MET: variants seen among roughly 807,000 people sequenced by gnomAD.
MET encodes MET proto-oncogene, receptor tyrosine kinase, also known as hepatocyte growth factor receptor.
MET carries 48 observed loss-of-function variants against 133.1 expected under a neutral mutation model. The observed-to-expected ratio is 0.36, with a 90% CI of 0.29 to 0.46. The LOEUF is 0.46. Among genes scored for constraint, MET ranks in the 20% least tolerant of loss-of-function variants. The pLI is 1.00. For missense variants in MET, 1,442 were observed against 1,695.9 expected, an observed-to-expected ratio of 0.85 and a Z score of 2.63; for synonymous variants, 628 against 616.5, an observed-to-expected ratio of 1.02 and a Z score of -0.28.
intron 2 of MET, chr7:116,724,945 C>T: frequency 1.0e-6 from 1 of 1,004,016 alleles, no homozygotes; most frequent in East Asian, 6.1e-5. Context: ...GTGTCTAACA[C>T]ATTGTAAACA....
At chr7:116,724,990 A>G (rs927534086) in intron 2 of MET, 17 of 640,482 alleles carry the variant, frequency 2.7e-5, no homozygotes, top group African/African-American at 2.3e-4. Context: ...CAACTCATCA[A>G]TGCCTCCCTG....
chr7:116,676,713 G>A (rs1796172047), intron 1 of MET, among the ~76,000 whole-genome samples: 1 of 152,164 alleles, frequency 6.6e-6, no homozygotes, highest in African/African-American at 2.4e-5. Flanking sequence ...ATCTGAAGGA[G>A]ATAAGGAAGT....
chr7:116,785,420 A>G (rs1020774340), intron 19 of MET, among the ~76,000 whole-genome samples: 7 of 152,048 alleles, frequency 4.6e-5, no homozygotes, highest in African/African-American at 1.7e-4. Flanking sequence ...GGGGAGGGGG[A>G]GCATCTTATA....
intron 11 of MET, among the ~76,000 whole-genome samples, chr7:116,768,242 T>A (rs1794704526): frequency 6.6e-6 from 1 of 152,156 alleles, no homozygotes; most frequent in Admixed American, 6.6e-5. Context: ...CCAACCTTAG[T>A]TATTATCTAA....
chr7:116,696,725 A>C (rs904015346), intron 1 of MET, among the ~76,000 whole-genome samples: 1 of 152,148 alleles, frequency 6.6e-6, no homozygotes, highest in Admixed American at 6.5e-5. Context: ...TTTAACCATC[A>C]CCTCTGTGCA....
intron 3 of MET, among the ~76,000 whole-genome samples, chr7:116,733,581 T>A (rs1397081075): frequency 6.6e-6 from 1 of 152,230 alleles, no homozygotes; most frequent in Non-Finnish European, 1.5e-5. Flanking sequence ...TCAGTCTCAT[T>A]ATAGAAACGC....
intron 2 of MET, among the ~76,000 whole-genome samples, chr7:116,719,615 G>A (rs1003715756): frequency 6.6e-6 from 1 of 152,126 alleles, no homozygotes; most frequent in African/African-American, 2.4e-5. Context: ...GGGTTTTTAT[G>A]GTTTTAGGTC....
intron 19 of MET, among the ~76,000 whole-genome samples, chr7:116,785,387 A>G (rs922834704): frequency 1.3e-5 from 2 of 152,174 alleles, no homozygotes; most frequent in African/African-American, 4.8e-5. Context: ...GGCATCTTGC[A>G]TGGCAGGAGC....
At chr7:116,694,821 G>C (rs1796904268) in intron 1 of MET, among the ~76,000 whole-genome samples, 1 of 152,000 alleles carries the variant, frequency 6.6e-6, no homozygotes, top group Non-Finnish European at 1.5e-5. Flanking sequence ...CAAGTAGCTG[G>C]GATTACAGGC....
chr7:116,695,367 CA>C (rs1258140541), intron 1 of MET, among the ~76,000 whole-genome samples: 5 of 152,290 alleles, frequency 3.3e-5, no homozygotes, highest in Non-Finnish European at 7.3e-5. Context: ...TAGTACATTG[CA>C]AAACAATGAG....
chr7:116,789,826 G>A (rs1795429105), intron 19 of MET, among the ~76,000 whole-genome samples: 1 of 152,140 alleles, frequency 6.6e-6, no homozygotes, highest in South Asian at 2.1e-4. Flanking sequence ...TTTATTTTAA[G>A]TTCCAGGGTA....
At chr7:116,734,120 A>G (rs560309592) in intron 3 of MET, among the ~76,000 whole-genome samples, 47 of 152,308 alleles carry the variant, frequency 3.1e-4, no homozygotes, top group African/African-American at 1.1e-3. Flanking sequence ...AGTTCTGTAA[A>G]TGTTTTGACT....
intron 5 of MET, among the ~76,000 whole-genome samples, chr7:116,755,042 A>AAGAAAGAAAGAAAGAAAGAG (rs1794125070): frequency 2.6e-5 from 1 of 39,186 alleles, no homozygotes; most frequent in Non-Finnish European, 6.0e-5. Flanking sequence ...GAAAGAAAGA[A>AAGAAAGAAAGAAAGAAAGAG]AAGAAAGAAA....
intron 19 of MET, among the ~76,000 whole-genome samples, chr7:116,791,794 A>G (rs1033874166): frequency 6.6e-6 from 1 of 152,102 alleles, no homozygotes; most frequent in Non-Finnish European, 1.5e-5. Context: ...CCTCGCCAGT[A>G]GCTGGGATTG....
intron 1 of MET, among the ~76,000 whole-genome samples, chr7:116,693,505 G>T (rs748923998): frequency 1.2e-4 from 19 of 152,108 alleles, no homozygotes; most frequent in Non-Finnish European, 4.4e-5. Flanking sequence ...ACTTGCCTGG[G>T]TCATACAAAT....
intron 2 of MET, among the ~76,000 whole-genome samples, chr7:116,703,383 C>T (rs549779706): frequency 2.2e-4 from 33 of 152,134 alleles, no homozygotes; most frequent in African/African-American, 7.7e-4. Context: ...TCCTCCTTTA[C>T]CCATTCATCA....
At chr7:116,708,652 T>C (rs1791884827) in intron 2 of MET, among the ~76,000 whole-genome samples, 1 of 152,166 alleles carries the variant, frequency 6.6e-6, no homozygotes, top group African/African-American at 2.4e-5. Context: ...GCTAAGAACA[T>C]ACTTTAGATC....
At chr7:116,709,901 A>C (rs890289845) in intron 2 of MET, among the ~76,000 whole-genome samples, 6 of 152,198 alleles carry the variant, frequency 3.9e-5, no homozygotes, top group African/African-American at 1.4e-4. Context: ...AAATTAGGTG[A>C]TCCTGGGGCT....
intron 11 of MET, among the ~76,000 whole-genome samples, chr7:116,766,305 T>A (rs1244244280): frequency 6.6e-6 from 1 of 152,182 alleles, no homozygotes; most frequent in Non-Finnish European, 1.5e-5. Flanking sequence ...ATGTTCAATC[T>A]GGAGAAGTCA....
Sources: gnomAD v4.1 joint callset for allele counts (sites outside exome capture counted in the v4.1 genomes callset) on GRCh38, gnomAD v4.1.1 for gene constraint, MANE v1.5 for transcripts, NCBI Gene and HGNC (gene_info 2026-07-23, HGNC 2026-07-21) for gene names.